Variants in MAP3K5 observed in about 807,000 individuals in gnomAD.
MAP3K5 encodes ASK-1.
A neutral mutation model predicts 158.7 loss-of-function variants in MAP3K5; 56 were observed. The observed-to-expected ratio is 0.35, with a 90% CI of 0.28 to 0.44. MAP3K5 has a LOEUF of 0.44. Among genes scored for constraint, MAP3K5 ranks in the 20% least tolerant of loss-of-function variants. MAP3K5 has a pLI of 1.00. For missense variants in MAP3K5, 1,294 were observed against 1,674.8 expected, an observed-to-expected ratio of 0.77 and a Z score of 3.97; for synonymous variants, 579 against 601.7, an observed-to-expected ratio of 0.96 and a Z score of 0.55.
intron 1 of MAP3K5, among the ~76,000 whole-genome samples, chr6:136,782,491 T>A (rs1784660443): frequency 6.6e-6 from 1 of 152,194 alleles, no homozygotes; most frequent in South Asian, 2.1e-4. Context: ...TAGAAGAGGC[T>A]ACAAGTATTG....
At chr6:136,622,072 C>A in intron 15 of MAP3K5, among the ~76,000 whole-genome samples, 2 of 142,848 alleles carry the variant, frequency 1.4e-5, no homozygotes, top group South Asian at 2.2e-4. Flanking sequence ...GGTGACAGAG[C>A]AAGACTCCGT....
intron 1 of MAP3K5, among the ~76,000 whole-genome samples, chr6:136,750,109 G>A (rs956796083): frequency 4.5e-4 from 69 of 152,172 alleles, no homozygotes; most frequent in African/African-American, 1.5e-3. Flanking sequence ...ATGGAGTCTC[G>A]TTCTGTCACC....
chr6:136,598,184 C>T (rs755337223), intron 21 of MAP3K5, among the ~76,000 whole-genome samples: 1 of 152,262 alleles, frequency 6.6e-6, no homozygotes. Flanking sequence ...GCAAGCCTCC[C>T]TTAACACACA....
At chr6:136,630,402 T>C (rs1777288730) in intron 14 of MAP3K5, 1 of 151,944 alleles carries the variant, frequency 6.6e-6, no homozygotes, top group African/African-American at 2.4e-5. Context: ...CATGGAATGG[T>C]GCCTACCATT....
chr6:136,683,662 G>T, intron 7 of MAP3K5, among the ~76,000 whole-genome samples: 1 of 152,160 alleles, frequency 6.6e-6, no homozygotes. Flanking sequence ...TAATAAAACA[G>T]AATATTCTAA....
At chr6:136,592,700 C>CT in intron 21 of MAP3K5, 86 bp from the exon 22 acceptor site, 1 of 1,128,414 alleles carries the variant, frequency 8.9e-7, no homozygotes, top group Non-Finnish European at 1.3e-6. Context: ...AGGCCATATT[C>CT]TTTGTCAAAT....
chr6:136,665,219 A>G (rs969795220), intron 8 of MAP3K5, among the ~76,000 whole-genome samples: 2 of 152,224 alleles, frequency 1.3e-5, no homozygotes, highest in Non-Finnish European at 2.9e-5. Flanking sequence ...TGCCAGAATC[A>G]ATTATTTCAA....
In MAP3K5 at chr6:136,623,068, CCTTAT is replaced by C. The variant is rs1387187997; in HGVS notation, c.2017-92_2017-88del. On this transcript the variant is annotated intron_variant, in intron 14 of 29. Transcript: ENST00000359015. ...CAAATTTTTTTCCAAGAGCATTATTCCTTATCTTATCAGATGGCATTAACAGGCTG... is the reference window on the plus strand; with the variant it reads ...CAAATTTTTTTCCAAGAGCATTATTCCTTATCAGATGGCATTAACAGGCTG... 3.1e-6 allele frequency: 4 copies of C among 1,291,756 alleles called. No individual in the cohort carries two copies. In the Admixed American group the frequency reaches 5.3e-5, roughly 17 times the overall value. The allele number at this position is 1,291,756 out of a possible 1,614,324, so 80.0% of individuals were successfully genotyped here. A position where few individuals can be genotyped will look rare whatever the true frequency, so the allele number is the denominator to read the frequency against.
chr6:136,747,703 T>C (rs1005541039), intron 1 of MAP3K5, among the ~76,000 whole-genome samples: 1 of 152,182 alleles, frequency 6.6e-6, no homozygotes. Context: ...ACCAGGATAT[T>C]GTGTCAAAAA....
chr6:136,561,115 C>T (rs1265578877), intron 28 of MAP3K5, among the ~76,000 whole-genome samples: 1 of 152,044 alleles, frequency 6.6e-6, no homozygotes, highest in Non-Finnish European at 1.5e-5. Context: ...CTCAGGACCA[C>T]AGAGCTTTTG....
At chr6:136,591,091 C>A (rs1375273233) in intron 23 of MAP3K5, among the ~76,000 whole-genome samples, 1 of 152,202 alleles carries the variant, frequency 6.6e-6, no homozygotes, top group African/African-American at 2.4e-5. Flanking sequence ...AGCTCTCTTG[C>A]CTGCCGCCAC....
intron 27 of MAP3K5, among the ~76,000 whole-genome samples, chr6:136,561,873 C>T (rs111262506): frequency 4.6e-5 from 7 of 152,106 alleles, no homozygotes; most frequent in Non-Finnish European, 7.4e-5. Flanking sequence ...GACACTCCTA[C>T]GTTACACTTT....
intron 1 of MAP3K5, among the ~76,000 whole-genome samples, chr6:136,722,910 A>T (rs534361546): frequency 1.1e-4 from 17 of 151,246 alleles, no homozygotes; most frequent in African/African-American, 3.9e-4. Context: ...CTGGTCTCAA[A>T]CTCCTGACCT....
At chr6:136,644,323 C>A (rs889229039) in intron 11 of MAP3K5, among the ~76,000 whole-genome samples, 1 of 152,172 alleles carries the variant, frequency 6.6e-6, no homozygotes, top group Non-Finnish European at 1.5e-5. Flanking sequence ...ACCTGTAGGA[C>A]ACACCACAAG....
At chr6:136,628,203 C>T (rs1195987948) in intron 14 of MAP3K5, among the ~76,000 whole-genome samples, 1 of 151,872 alleles carries the variant, frequency 6.6e-6, no homozygotes, top group East Asian at 1.9e-4. Flanking sequence ...CCTTGAACTC[C>T]TAGGTTCAAG....
chr6:136,701,878 T>C lies in MAP3K5; in HGVS notation c.613-3196A>G, dbSNP rs544113539. Among the ~76,000 whole-genome samples, 5 of 152,356 alleles carry C rather than the reference T, an allele frequency of 3.3e-5. No individual in the cohort carries two copies. The East Asian group carries it at 9.6e-4, about 29-fold the overall frequency. On this transcript the variant is annotated intron_variant, in intron 3 of 29. Coordinates refer to ENST00000359015, the MANE Select transcript of MAP3K5 (RefSeq NM_005923.4). ...TATGTAGCCTCAGAAACCTTGATACTACATATATTAGTTTATCAGATATTA... is the reference window on the plus strand; with the variant it reads ...TATGTAGCCTCAGAAACCTTGATACCACATATATTAGTTTATCAGATATTA...
chr6:136,619,426 T>C (rs913847216), intron 15 of MAP3K5, among the ~76,000 whole-genome samples: 1 of 152,158 alleles, frequency 6.6e-6, no homozygotes, highest in Non-Finnish European at 1.5e-5. Context: ...TTTTTAAAAA[T>C]AGATGTTATT....
chr6:136,661,438 C>T (rs554203931), intron 8 of MAP3K5, among the ~76,000 whole-genome samples: 2 of 152,276 alleles, frequency 1.3e-5, no homozygotes, highest in African/African-American at 4.8e-5. Flanking sequence ...CTCTGTCGCC[C>T]AGGCTGGAGT....
rs557037303 is a variant in MAP3K5, at chr6:136,622,839, T to C, written c.2150+9A>G. Reference sequence around the variant, plus strand: ...ACAGAACAGCTTTTAGTAGCTACAATTACTGTACCTGCTGTCTCTCTCTGG... The same window carrying C: ...ACAGAACAGCTTTTAGTAGCTACAACTACTGTACCTGCTGTCTCTCTCTGG... On this transcript the variant is annotated intron_variant, in intron 15 of 29. Transcript: ENST00000359015. 3 of 1,610,420 alleles carry C rather than the reference T, an allele frequency of 1.9e-6. No individual in the cohort carries two copies. The South Asian group carries it at 3.3e-5, about 18-fold the overall frequency.
Sources: gnomAD v4.1 joint callset for allele counts (sites outside exome capture counted in the v4.1 genomes callset) on GRCh38, gnomAD v4.1.1 for gene constraint, MANE v1.5 for transcripts, NCBI Gene and HGNC (gene_info 2026-07-23, HGNC 2026-07-21) for gene names.